The following CDH13 variants were observed in gnomAD, a reference collection of about 807,000 sequenced individuals.
CDH13 encodes cadherin 13.
In CDH13, 24 loss-of-function variants were observed where a neutral mutation model predicts 63.8. The ratio of observed to expected loss-of-function variants is 0.38; its 90% CI spans 0.27 to 0.53. CDH13 has a LOEUF of 0.53. Among genes scored for constraint, CDH13 ranks in the 20% least tolerant of loss-of-function variants. The pLI, the probability that CDH13 is intolerant of heterozygous loss-of-function variation, is 0.85. For synonymous variants in CDH13, 503 were observed against 355.3 expected, an observed-to-expected ratio of 1.42 and a Z score of -4.67; for missense variants, 1,049 against 903.1, an observed-to-expected ratio of 1.16 and a Z score of -2.07.
At chr16:83,186,766 A>G (rs1158963418) in intron 4 of CDH13, among the ~76,000 whole-genome samples, 1 of 152,098 alleles carries the variant, frequency 6.6e-6, no homozygotes, top group Admixed American at 6.5e-5. Context: ...ACTTGAAAGA[A>G]TGAGACAAGT....
chr16:82,811,509 AT>A (rs1241188224), intron 1 of CDH13, among the ~76,000 whole-genome samples: 29 of 152,284 alleles, frequency 1.9e-4, no homozygotes, highest in Non-Finnish European at 3.2e-4. Flanking sequence ...TGCTAATACT[AT>A]TGTGATTTGT....
intron 4 of CDH13, among the ~76,000 whole-genome samples, chr16:83,150,702 A>G (rs2036943452): frequency 6.6e-6 from 1 of 152,196 alleles, no homozygotes; most frequent in South Asian, 2.1e-4. Flanking sequence ...CTTATATAGT[A>G]AGCAACTCTT....
At chr16:83,211,880 G>C (rs950481770) in intron 4 of CDH13, among the ~76,000 whole-genome samples, 1 of 151,818 alleles carries the variant, frequency 6.6e-6, no homozygotes, top group Non-Finnish European at 1.5e-5. Flanking sequence ...CTCATCCTTA[G>C]CTATTTTTTC....
rs553435917 is a variant in CDH13 at position 82,644,997 on chromosome 16, T to C, written c.45+17860T>C. ...AAGTGGACCAGATTGGGTTTTGTTT[T>C]TTCACAAATGAAAGTCTCTGAGATT... On this transcript the variant is annotated intron_variant, in intron 1 of 13. Transcript: ENST00000567109. This position sits in a 1 kb window ranked among gnomAD's most constrained non-coding sequence, Gnocchi z 5.7. 6.6e-6 allele frequency among the ~76,000 whole-genome samples: 1 copy of C among 152,222 alleles called. No homozygotes were observed. The highest frequency in any genetic ancestry group is 1.5e-5 in the Non-Finnish European group (1 of 68,044).
At chr16:82,733,846 A>C (rs2033529073) in intron 1 of CDH13, among the ~76,000 whole-genome samples, 1 of 152,244 alleles carries the variant, frequency 6.6e-6, no homozygotes, top group Non-Finnish European at 1.5e-5. Context: ...ATATGTATGC[A>C]CTTATTCTTG....
chr16:83,595,543 A>G (rs748929422), intron 7 of CDH13, among the ~76,000 whole-genome samples: 1 of 152,218 alleles, frequency 6.6e-6, no homozygotes, highest in Non-Finnish European at 1.5e-5. Context: ...AAAATGGCTT[A>G]TGTCTTGCTC....
rs144645376 is a variant in CDH13 at position 83,307,354 on chromosome 16, A to G, written c.637-37508A>G. Among the ~76,000 whole-genome samples, 251 of 152,292 alleles carry G rather than the reference A, an allele frequency of 1.6e-3. 7 individuals carry two copies. In the East Asian group the frequency reaches 0.039, roughly 23 times the overall value. ...CTTAAGCCCTTCTCCTGGGAAGATA[A>G]AGGTCAACTTAAACCTGAGCTCCAG... On this transcript the variant is annotated intron_variant, in intron 5 of 13. Transcript: ENST00000567109.
intron 6 of CDH13, among the ~76,000 whole-genome samples, chr16:83,478,314 G>A (rs761659871): frequency 6.6e-5 from 10 of 152,120 alleles, no homozygotes; most frequent in South Asian, 2.1e-4. Context: ...CCTTGAGAGC[G>A]CTTTACTCAT....
At chr16:83,191,318 T>C (rs2038690720) in intron 4 of CDH13, among the ~76,000 whole-genome samples, 1 of 147,884 alleles carries the variant, frequency 6.8e-6, no homozygotes, top group African/African-American at 2.5e-5. Flanking sequence ...TATGGGAACA[T>C]GGTCAACATT....
In CDH13 at chr16:83,323,515, A is replaced by G. The variant is rs544128398; in HGVS notation, c.637-21347A>G. ...AGGCTGCTCTCAAACGCCTGACTTC[A>G]GGCGATCCACCTGCCTCAGCCTCCC... On this transcript the variant is annotated intron_variant, in intron 5 of 13. Coordinates refer to ENST00000567109, the MANE Select transcript of CDH13 (RefSeq NM_001257.5). Among the ~76,000 whole-genome samples, 55 of 152,082 alleles carry G rather than the reference A, an allele frequency of 3.6e-4. 1 individual carries two copies. In the South Asian group the frequency reaches 0.011, roughly 30 times the overall value.
At chr16:83,181,395 C>A (rs1003332496) in intron 4 of CDH13, among the ~76,000 whole-genome samples, 15 of 152,158 alleles carry the variant, frequency 9.9e-5, no homozygotes, top group Admixed American at 9.2e-4. Context: ...TGGCTCTAGC[C>A]TAGGTGCCCA....
intron 6 of CDH13, among the ~76,000 whole-genome samples, chr16:83,430,821 T>C (rs963124788): frequency 2.0e-5 from 3 of 151,834 alleles, no homozygotes; most frequent in African/African-American, 4.8e-5. Context: ...ACACACCAGT[T>C]CTTTTTTTTT....
chr16:83,311,862 G>A (rs1048115456), intron 5 of CDH13, among the ~76,000 whole-genome samples: 1 of 152,094 alleles, frequency 6.6e-6, no homozygotes, highest in Non-Finnish European at 1.5e-5. Context: ...ATCACCTGAG[G>A]TTAGGATTTC....
At chr16:83,765,542 A>G (rs1171755663) in intron 11 of CDH13, among the ~76,000 whole-genome samples, 4 of 22,810 alleles carry the variant, frequency 1.8e-4, no homozygotes, top group Non-Finnish European at 6.7e-4. Context: ...ATTTTTCTAT[A>G]TATATATATA....
At chr16:82,988,781 C>T (rs1040934758) in intron 2 of CDH13, among the ~76,000 whole-genome samples, 17 of 147,096 alleles carry the variant, frequency 1.2e-4, no homozygotes, top group Admixed American at 6.1e-4. Context: ...AAAAAAAATG[C>T]GAGTAATGAA....
At chr16:82,987,953 G>A (rs1202460151) in intron 2 of CDH13, among the ~76,000 whole-genome samples, 2 of 152,170 alleles carry the variant, frequency 1.3e-5, no homozygotes, top group Admixed American at 6.5e-5. Context: ...TGAGTCAACA[G>A]TGCCTCGTCT....
chr16:82,635,592 C>T (rs1424865029), intron 1 of CDH13, among the ~76,000 whole-genome samples: 1 of 152,124 alleles, frequency 6.6e-6, no homozygotes, highest in Non-Finnish European at 1.5e-5. Context: ...TGCATTCTGG[C>T]TACAAGTAGC....
At chr16:83,406,654 T>G (rs931451995) in intron 6 of CDH13, among the ~76,000 whole-genome samples, 5 of 152,074 alleles carry the variant, frequency 3.3e-5, no homozygotes, top group African/African-American at 1.2e-4. Context: ...TTAGTAGAGA[T>G]GGGGTTTCAC....
At chr16:83,119,673 C>T (rs945159757) in intron 3 of CDH13, among the ~76,000 whole-genome samples, 6 of 152,210 alleles carry the variant, frequency 3.9e-5, no homozygotes, top group African/African-American at 1.2e-4. Context: ...TCACAGGCTT[C>T]ATGCATGAAA....
Sources: gnomAD v4.1 joint callset for allele counts (sites outside exome capture counted in the v4.1 genomes callset) on GRCh38, gnomAD v4.1.1 for gene constraint, Gnocchi (gnomAD v3.1) non-coding constraint, MANE v1.5 for transcripts, NCBI Gene and HGNC (gene_info 2026-07-23, HGNC 2026-07-21) for gene names.